The following PTPRT variants were observed in gnomAD, a reference collection of about 807,000 sequenced individuals.
The protein encoded by PTPRT is protein tyrosine phosphatase receptor type T, also known as receptor-type tyrosine-protein phosphatase T.
Under a neutral mutation model 176.8 loss-of-function variants are expected in PTPRT, and 56 were observed. The ratio of observed to expected loss-of-function variants is 0.32; its 90% CI spans 0.26 to 0.40. PTPRT has a LOEUF of 0.40. PTPRT is among the 10% of genes least tolerant of loss of function. The pLI is 1.00. For missense variants in PTPRT, 1,540 were observed against 1,908.2 expected (o/e 0.81, Z 3.60); for synonymous variants, 783 against 739.0 (o/e 1.06, Z -0.96).
At position 42,982,474 on chromosome 20, in the gene PTPRT, C is replaced by T. The variant is rs200104618; in HGVS notation, c.89-96542G>A. On this transcript the variant is annotated intron_variant, in intron 1 of 30. Coordinates refer to ENST00000373187, the MANE Select transcript of PTPRT (RefSeq NM_007050.6). ...CACTCAGCAAGGAGGGAAGGGAAGG[C>T]CTCTCTGAGGAGGTGAGATGTGAAA... Among the ~76,000 whole-genome samples, 4 of 152,116 alleles carry T rather than the reference C, an allele frequency of 2.6e-5. No individual in the cohort carries two copies. In the East Asian group the frequency reaches 7.7e-4, roughly 29 times the overall value.
At chr20:42,773,079 T>C (rs992964682) in intron 4 of PTPRT, among the ~76,000 whole-genome samples, 1 of 152,216 alleles carries the variant, frequency 6.6e-6, no homozygotes, top group African/African-American at 2.4e-5. Flanking sequence ...ATGAGGATGG[T>C]GTCTCCAGAT....
At chr20:43,152,596 T>C (rs2014395055) in intron 1 of PTPRT, among the ~76,000 whole-genome samples, 2 of 152,216 alleles carry the variant, frequency 1.3e-5, no homozygotes, top group African/African-American at 2.4e-5. Flanking sequence ...AATAAACATT[T>C]ATAAAGTGAA....
At chr20:43,114,250 C>T (rs2012969752) in intron 1 of PTPRT, among the ~76,000 whole-genome samples, 1 of 152,134 alleles carries the variant, frequency 6.6e-6, no homozygotes, top group Non-Finnish European at 1.5e-5. Flanking sequence ...TTTCCTATGC[C>T]ACCCCCAAGA....
chr20:43,035,169 C>T (rs1021282495), intron 1 of PTPRT, among the ~76,000 whole-genome samples: 2 of 152,142 alleles, frequency 1.3e-5, no homozygotes, highest in Non-Finnish European at 2.9e-5. Flanking sequence ...AGCCCCTCAG[C>T]AGTCCAGACC....
chr20:42,141,324 C>A (rs1324602952), intron 18 of PTPRT, among the ~76,000 whole-genome samples: 1 of 152,216 alleles, frequency 6.6e-6, no homozygotes, highest in Non-Finnish European at 1.5e-5. Context: ...GGGCATACCC[C>A]AAGCCCCAGG....
chr20:42,986,737 A>G (rs75093680), intron 1 of PTPRT, among the ~76,000 whole-genome samples: 76 of 152,332 alleles, frequency 5.0e-4, no homozygotes, highest in African/African-American at 1.7e-3. Flanking sequence ...CCTACAAGGT[A>G]GATAGTATTT....
intron 8 of PTPRT, among the ~76,000 whole-genome samples, chr20:42,461,256 G>T (rs1204059538): frequency 3.3e-5 from 5 of 152,228 alleles, no homozygotes; most frequent in African/African-American, 1.2e-4. Flanking sequence ...GAACCTGGGA[G>T]GCGGAGGTTG....
At chr20:42,668,858 A>ATTTTTTTTTTTTTTT (rs755121515) in intron 7 of PTPRT, among the ~76,000 whole-genome samples, 42 of 81,284 alleles carry the variant, frequency 5.2e-4, no homozygotes, top group Admixed American at 9.2e-4. Flanking sequence ...CGCCCAGCTA[A>ATTTTTTTTTTTTTTT]TTTTTTTTTT....
At chr20:42,672,021 C>A (rs2075421313) in intron 7 of PTPRT, among the ~76,000 whole-genome samples, 1 of 152,202 alleles carries the variant, frequency 6.6e-6, no homozygotes, top group Admixed American at 6.5e-5. Flanking sequence ...CATATTCAGA[C>A]CTGAGCTCAT....
chr20:42,683,586 C>G (rs2075641690), intron 6 of PTPRT, among the ~76,000 whole-genome samples: 1 of 152,188 alleles, frequency 6.6e-6, no homozygotes, highest in Non-Finnish European at 1.5e-5. Flanking sequence ...CCTTCAATTA[C>G]TTTTAACTAA....
chr20:42,706,179 T>TGTGTGTG (rs2076054474), intron 6 of PTPRT, among the ~76,000 whole-genome samples: 3 of 123,452 alleles, frequency 2.4e-5, no homozygotes, highest in African/African-American at 8.0e-5. Context: ...CTCTCTCTGT[T>TGTGTGTG]TGTGTGTGTG....
At chr20:42,531,836 G>C (rs2072389599) in intron 7 of PTPRT, among the ~76,000 whole-genome samples, 1 of 152,140 alleles carries the variant, frequency 6.6e-6, no homozygotes, top group Admixed American at 6.5e-5. Flanking sequence ...CCTCAGCAGG[G>C]AGGCCAGCCC....
intron 27 of PTPRT, among the ~76,000 whole-genome samples, chr20:42,097,657 A>T (rs1007426782): frequency 5.3e-5 from 8 of 152,368 alleles, no homozygotes; most frequent in African/African-American, 1.7e-4. Flanking sequence ...TGTTTAAAAA[A>T]TTTTTAAATT....
At chr20:42,307,731 G>C (rs2057564770) in intron 12 of PTPRT, among the ~76,000 whole-genome samples, 1 of 152,164 alleles carries the variant, frequency 6.6e-6, no homozygotes, top group Non-Finnish European at 1.5e-5. Flanking sequence ...CTTTGAACCA[G>C]AGCAACTCCA....
chr20:43,064,017 C>A (rs998819228), intron 1 of PTPRT, among the ~76,000 whole-genome samples: 1 of 151,958 alleles, frequency 6.6e-6, no homozygotes, highest in Non-Finnish European at 1.5e-5. Context: ...TTCCATGAGA[C>A]CCAAACAACT....
At position 42,447,920 on chromosome 20, in the gene PTPRT, C is replaced by T. The variant is rs543362541; in HGVS notation, c.1560+300G>A. 3.9e-5 allele frequency among the ~76,000 whole-genome samples: 6 copies of T among 152,294 alleles called. No homozygotes were observed. The East Asian group carries it at 1.2e-3, about 29-fold the overall frequency. Reference sequence around the variant, plus strand: ...TTCAGTACTGTTTGCCAGGCCTGGGCCTTCTCTTCCACATAAGAACAATCT... The same window carrying T: ...TTCAGTACTGTTTGCCAGGCCTGGGTCTTCTCTTCCACATAAGAACAATCT... On this transcript the variant is annotated intron_variant, in intron 9 of 30. Transcript: ENST00000373187.
the PTPRT span, among the ~76,000 whole-genome samples, chr20:42,065,238 G>A: frequency 2.0e-4 from 30 of 152,322 alleles, no homozygotes; most frequent in South Asian, 8.3e-4. Context: ...CTTGCTTTGG[G>A]ATAATTGGTC....
At chr20:42,434,662 G>GAA (rs10626020) in intron 9 of PTPRT, among the ~76,000 whole-genome samples, 37,305 of 137,526 alleles carry the variant, frequency 0.27, 5,932 homozygotes, top group African/African-American at 0.43. Context: ...ATCTTCATAA[G>GAA]AAAAAAAAAA....
chr20:42,247,678 T>C (rs1307506902), intron 14 of PTPRT, among the ~76,000 whole-genome samples: 1 of 152,174 alleles, frequency 6.6e-6, no homozygotes, highest in Non-Finnish European at 1.5e-5. Context: ...CACCACCTAG[T>C]ATTATAATGT....
Sources: gnomAD v4.1 joint callset for allele counts (sites outside exome capture counted in the v4.1 genomes callset) on GRCh38, gnomAD v4.1.1 for gene constraint, MANE v1.5 for transcripts, NCBI Gene and HGNC (gene_info 2026-07-23, HGNC 2026-07-21) for gene names.